The following SEMA3A variants were observed in gnomAD, a reference collection of about 807,000 sequenced individuals.
SEMA3A encodes the protein semaphorin 3A.
Under a neutral mutation model 97.9 loss-of-function variants are expected in SEMA3A, and 29 were observed. That is an observed-to-expected ratio of 0.30 (90% CI 0.22 to 0.40). SEMA3A has a LOEUF of 0.40. Ranked by LOEUF, SEMA3A falls within the 10% of genes least tolerant of loss-of-function variation. The pLI is 1.00. For synonymous variants in SEMA3A, 321 were observed against 323.7 expected, an observed-to-expected ratio of 0.99 and a Z score of 0.09; for missense variants, 763 against 951.3, an observed-to-expected ratio of 0.80 and a Z score of 2.60.
At chr7:84,385,238 G>A (rs750055738) in intron 1 of SEMA3A, among the ~76,000 whole-genome samples, 2 of 152,146 alleles carry the variant, frequency 1.3e-5, no homozygotes, top group African/African-American at 4.8e-5. Context: ...GAGCTGATGA[G>A]GAGTGCTCCT....
At chr7:84,482,543 G>A (rs1226817598) in intron 1 of SEMA3A, among the ~76,000 whole-genome samples, 1 of 152,142 alleles carries the variant, frequency 6.6e-6, no homozygotes, top group Non-Finnish European at 1.5e-5. Flanking sequence ...GTTGGAGTCA[G>A]TCTTTAAACA....
chr7:84,059,712 A>G (rs1287640177), intron 5 of SEMA3A, among the ~76,000 whole-genome samples: 1 of 147,300 alleles, frequency 6.8e-6, no homozygotes, highest in Non-Finnish European at 1.5e-5. Context: ...CAAGAACAGA[A>G]TCATGACCCA....
At chr7:84,391,316 G>A (rs552509784) in intron 1 of SEMA3A, among the ~76,000 whole-genome samples, 8 of 152,198 alleles carry the variant, frequency 5.3e-5, no homozygotes, top group African/African-American at 1.7e-4. Flanking sequence ...AAAATCTGAG[G>A]GAAATACACT....
intron 4 of SEMA3A, among the ~76,000 whole-genome samples, chr7:84,064,966 C>T (rs1793419133): frequency 6.6e-6 from 1 of 152,272 alleles, no homozygotes; most frequent in African/African-American, 2.4e-5. Flanking sequence ...ACAGAATATA[C>T]ATTTTTTCGG....
chr7:84,023,316 T>A (rs1200147062), intron 6 of SEMA3A, among the ~76,000 whole-genome samples: 1 of 152,162 alleles, frequency 6.6e-6, no homozygotes, highest in East Asian at 1.9e-4. Context: ...TGACCAGCAT[T>A]TGGCTGGACC....
chr7:84,232,092 A>G (rs1799128938), intron 3 of SEMA3A, among the ~76,000 whole-genome samples: 1 of 151,576 alleles, frequency 6.6e-6, no homozygotes, highest in African/African-American at 2.4e-5. Context: ...ACACACACCC[A>G]AGATGTATCA....
intron 4 of SEMA3A, among the ~76,000 whole-genome samples, chr7:84,083,887 C>A (rs1482654531): frequency 1.3e-5 from 2 of 151,950 alleles, no homozygotes; most frequent in Non-Finnish European, 2.9e-5. Context: ...CCGTGATAAC[C>A]TCTGTGGGTT....
At chr7:84,100,664 T>C (rs1794933949) in intron 4 of SEMA3A, among the ~76,000 whole-genome samples, 1 of 152,148 alleles carries the variant, frequency 6.6e-6, no homozygotes, top group Admixed American at 6.5e-5. Context: ...TTCATATTCC[T>C]TACAATCAAT....
intron 3 of SEMA3A, among the ~76,000 whole-genome samples, chr7:84,236,511 T>C (rs564112671): frequency 2.6e-5 from 4 of 152,262 alleles, no homozygotes; most frequent in African/African-American, 9.6e-5. Flanking sequence ...GTTTGGCATT[T>C]CAGGCCCTTC....
chr7:84,055,642 GAA>G (rs537590937), intron 5 of SEMA3A, among the ~76,000 whole-genome samples: 44 of 152,290 alleles, frequency 2.9e-4, no homozygotes, highest in South Asian at 6.2e-4. Context: ...ACCTCAGATG[GAA>G]ATGCAGAAAT....
chr7:84,442,050 A>G (rs1282347522), intron 1 of SEMA3A, among the ~76,000 whole-genome samples: 1 of 152,196 alleles, frequency 6.6e-6, no homozygotes, highest in African/African-American at 2.4e-5. Flanking sequence ...TCAAAGACAT[A>G]TGAAGAAAGA....
intron 12 of SEMA3A, among the ~76,000 whole-genome samples, chr7:83,995,182 C>T (rs1047577975): frequency 2.6e-4 from 39 of 152,118 alleles, no homozygotes; most frequent in Admixed American, 1.3e-4. Flanking sequence ...GGCTCGCGCA[C>T]GGTGCGCTCA....
At chr7:84,052,248 C>T (rs1481943225) in intron 5 of SEMA3A, among the ~76,000 whole-genome samples, 1 of 152,094 alleles carries the variant, frequency 6.6e-6, no homozygotes, top group Admixed American at 6.6e-5. Flanking sequence ...GGAGGATTCC[C>T]TCTTTTTCTA....
At chr7:84,290,722 G>C (rs1800719922) in intron 3 of SEMA3A, among the ~76,000 whole-genome samples, 1 of 152,070 alleles carries the variant, frequency 6.6e-6, no homozygotes. Context: ...TATTGCTACT[G>C]TTGTTTCATG....
At chr7:84,196,365 CTCT>C (rs1484569296), upstream of SEMA3A, among the ~76,000 whole-genome samples, 1 of 152,106 alleles carries the variant, frequency 6.6e-6, no homozygotes, top group Non-Finnish European at 1.5e-5. Flanking sequence ...CTCTCTCTCT[CTCT>C]CTCTCTCTCT....
In SEMA3A at chr7:84,425,853, A is replaced by AACACACAC. The variant is rs368734761; in HGVS notation, c.-245-53961_-245-53954dup. On this transcript the variant is annotated intron_variant, in intron 1 of 3. Transcript: ENST00000424555. Reference sequence around the variant, plus strand: ...TATATATAATATATAATGTTTATATAACACACACACACACACACACACACC... The same window carrying AACACACAC: ...TATATATAATATATAATGTTTATATAACACACACACACACACACACACACACACACACC... Among the ~76,000 whole-genome samples, 61 of 110,356 alleles carry AACACACAC rather than the reference A, an allele frequency of 5.5e-4. 1 individual carries two copies. Among genetic ancestry groups the AACACACAC allele is most frequent in the African/African-American group, 2.3e-3 (57 of 24,480 alleles). The allele number at this position is 110,356 out of a possible 152,430, so 72.4% of individuals were successfully genotyped here.
At chr7:84,009,750 A>G (rs897534016) in intron 9 of SEMA3A, among the ~76,000 whole-genome samples, 3 of 151,944 alleles carry the variant, frequency 2.0e-5, no homozygotes, top group Non-Finnish European at 2.9e-5. Flanking sequence ...GAAAAGGAGA[A>G]GGATGAGGAA....
chr7:84,030,987 G>GTTTTTT (rs10615974), intron 6 of SEMA3A, among the ~76,000 whole-genome samples: 47 of 95,010 alleles, frequency 4.9e-4, no homozygotes, highest in East Asian at 1.8e-3. Flanking sequence ...TTTTGGTCAA[G>GTTTTTT]TTTTTTTTTT....
At chr7:84,224,189 C>A (rs1238045172) in intron 3 of SEMA3A, among the ~76,000 whole-genome samples, 1 of 151,814 alleles carries the variant, frequency 6.6e-6, no homozygotes, top group African/African-American at 2.4e-5. Flanking sequence ...CTAATTTATA[C>A]CAAAGGATAG....
Sources: allele counts gnomAD v4.1 joint callset (sites outside exome capture counted in the v4.1 genomes callset), GRCh38; gene constraint gnomAD v4.1.1; transcripts MANE v1.5; gene names NCBI Gene and HGNC (gene_info 2026-07-23, HGNC 2026-07-21).